The following ILRUN variants were observed in gnomAD, a reference collection of about 807,000 sequenced individuals.
The protein encoded by ILRUN is inflammation and lipid regulator with UBA-like and NBR1-like domains, also known as protein ILRUN.
In ILRUN, 3 loss-of-function variants were observed where a neutral mutation model predicts 33.8. The observed-to-expected ratio is 0.09, with a 90% confidence interval of 0.04 to 0.23. The LOEUF (loss-of-function observed/expected upper bound fraction) is 0.23. Ranked by LOEUF, ILRUN falls within the 10% of genes least tolerant of loss-of-function variation. ILRUN has a pLI of 1.00. For missense variants in ILRUN, 210 were observed against 375.1 expected (o/e 0.56, Z 3.64); for synonymous variants, 124 against 138.9 (o/e 0.89, Z 0.75).
intron 1 of ILRUN, among the ~76,000 whole-genome samples, chr6:34,670,858 A>G (rs534619772): frequency 5.3e-4 from 80 of 151,562 alleles, no homozygotes; most frequent in South Asian, 1.5e-3. Context: ...AAAAAAAAAA[A>G]AAAAGAAAAG....
intron 3 of ILRUN, among the ~76,000 whole-genome samples, chr6:34,637,105 T>G (rs1442016309): frequency 6.6e-6 from 1 of 152,198 alleles, no homozygotes; most frequent in Admixed American, 6.5e-5. Context: ...AGGATGCATA[T>G]TAAAATTACT....
chr6:34,627,968 A>G (rs565768882), intron 3 of ILRUN, among the ~76,000 whole-genome samples: 62 of 151,782 alleles, frequency 4.1e-4, no homozygotes, highest in Admixed American at 3.9e-3. Context: ...TCCCCGAAGT[A>G]CTGGGATTAC....
rs372175288 is a variant in ILRUN, at chr6:34,666,435, C to T, written c.159-11656G>A. The stretch of plus-strand genomic sequence containing the variant: ...AATTAGCCAGGCGTGGTGTTGCATG[C>T]CTGTAATCCCAGTTACTCGCGAGGC... On this transcript the variant is annotated intron_variant, in intron 1 of 4. Transcript: ENST00000374023. Among the ~76,000 whole-genome samples, 386 of 152,226 alleles carry T rather than the reference C, an allele frequency of 2.5e-3. 1 individual carries two copies. Among genetic ancestry groups the T allele is most frequent in the African/African-American group, 8.6e-3 (359 of 41,534 alleles).
intron 3 of ILRUN, among the ~76,000 whole-genome samples, chr6:34,625,336 G>A (rs1378428927): frequency 6.6e-6 from 1 of 152,054 alleles, no homozygotes; most frequent in African/African-American, 2.4e-5. Flanking sequence ...AGAGCTCTGG[G>A]GGCATTAATT....
intron 1 of ILRUN, among the ~76,000 whole-genome samples, chr6:34,691,804 AAAG>A (rs1371390771): frequency 6.6e-6 from 1 of 152,124 alleles, no homozygotes; most frequent in African/African-American, 2.4e-5. Flanking sequence ...TCAAAAAAAA[AAAG>A]AAGTATCTAC....
In ILRUN at chr6:34,655,387, T is replaced by C. The variant is rs575985110; in HGVS notation, c.159-608A>G. On this transcript the variant is annotated intron_variant, in intron 1 of 4. Transcript: ENST00000374023. ...GATATAACTGTTCATATTACTTTCT[T>C]AAATATCCTTCCAGAACTTTCTTAT... 5.3e-5 allele frequency among the ~76,000 whole-genome samples: 8 copies of C among 152,362 alleles called. No individual in the cohort carries two copies. In the East Asian group the frequency reaches 1.3e-3, roughly 26 times the overall value.
At chr6:34,637,864 C>CTGCTGCTGCTGCTGCTGTTGTTGTTGT (rs749114775) in intron 3 of ILRUN, among the ~76,000 whole-genome samples, 1 of 141,930 alleles carries the variant, frequency 7.0e-6, no homozygotes, top group African/African-American at 2.7e-5. Context: ...GCTGCTGCTG[C>CTGCTGCTGCTGCTGCTGTTGTTGTTGT]TGTTGTTGTT....
In ILRUN at chr6:34,633,039, T is replaced by A. The variant is rs571122359; in HGVS notation, c.511+13562A>T. 3.9e-5 allele frequency among the ~76,000 whole-genome samples: 6 copies of A among 152,288 alleles called. No homozygotes were observed. In the East Asian group the frequency reaches 1.2e-3, roughly 29 times the overall value. ...GAGGAAAAAAGATCCAACTACATGC[T>A]ATCTATAAGAAACTCCAAATAAAAT... On this transcript the variant is annotated intron_variant, in intron 3 of 4. Transcript: ENST00000374023.
intron 3 of ILRUN, among the ~76,000 whole-genome samples, chr6:34,610,568 T>C (rs747869747): frequency 4.6e-5 from 7 of 152,258 alleles, no homozygotes; most frequent in African/African-American, 1.4e-4. Context: ...GAAAATCTCA[T>C]TGAATCATTT....
intron 4 of ILRUN, among the ~76,000 whole-genome samples, chr6:34,597,766 T>A (rs1221514398): frequency 1.3e-5 from 2 of 152,140 alleles, no homozygotes; most frequent in Non-Finnish European, 2.9e-5. Context: ...CTTTTAAAGG[T>A]CTTCCTCCAA....
intron 1 of ILRUN, among the ~76,000 whole-genome samples, chr6:34,683,993 G>A (rs937381173): frequency 5.9e-5 from 9 of 151,958 alleles, no homozygotes; most frequent in African/African-American, 2.2e-4. Context: ...AGAGCCCAGG[G>A]AGGCATATGG....
intron 3 of ILRUN, among the ~76,000 whole-genome samples, chr6:34,613,367 C>T (rs891858264): frequency 6.6e-6 from 1 of 152,200 alleles, no homozygotes; most frequent in African/African-American, 2.4e-5. Context: ...AAAGACATCA[C>T]AGATTATGGT....
intron 3 of ILRUN, among the ~76,000 whole-genome samples, chr6:34,633,880 A>AGAGGGAGAGAGG (rs1762299099): frequency 1.5e-5 from 1 of 64,862 alleles, no homozygotes. Flanking sequence ...ATGGAGGGAG[A>AGAGGGAGAGAGG]GAGGGAGGGA....
Position 34,629,066 on chromosome 6 carries a change from T to C in ILRUN, c.511+17535A>G, listed in dbSNP as rs75056709. Among the ~76,000 whole-genome samples the C allele has an allele frequency of 4.5e-3, 678 of 152,296 alleles. 4 individuals carry two copies. The highest frequency in any genetic ancestry group is 8.2e-3 in the Admixed American group (125 of 15,294). On this transcript the variant is annotated intron_variant, in intron 3 of 4. Coordinates refer to ENST00000374023, the MANE Select transcript of ILRUN (RefSeq NM_024294.4). ...AGAGGTTGCAGTGACCTGAGATCAC[T>C]GCATACCAGCCTGGGCAACAGAGCA...
intron 3 of ILRUN, among the ~76,000 whole-genome samples, chr6:34,625,572 CT>C (rs1385916807): frequency 2.6e-5 from 4 of 152,136 alleles, no homozygotes; most frequent in Admixed American, 1.3e-4. Flanking sequence ...GGGTGCTAAT[CT>C]TCATCAAAAA....
At chr6:34,689,755 G>A (rs1189157656) in intron 1 of ILRUN, among the ~76,000 whole-genome samples, 6 of 151,440 alleles carry the variant, frequency 4.0e-5, no homozygotes, top group Non-Finnish European at 8.8e-5. Flanking sequence ...TCATTGATTT[G>A]TGGTTATATC....
rs1562003509 is a variant in ILRUN, at chr6:34,615,662, T to G, written c.512-8758A>C. Among the ~76,000 whole-genome samples, 4 of 152,152 alleles carry G rather than the reference T, an allele frequency of 2.6e-5. No individual in the cohort carries two copies. The South Asian group carries it at 6.2e-4, about 24-fold the overall frequency. ...ACCACTTTCTATGGAGAGAATTGAC[T>G]AGCAAAAGAGAGTGTTTTGATATCA... is the stretch of plus-strand genomic sequence containing the variant. On this transcript the variant is annotated intron_variant, in intron 3 of 4. Transcript: ENST00000374023.
At chr6:34,676,144 C>G (rs1268153469) in intron 1 of ILRUN, among the ~76,000 whole-genome samples, 3 of 152,040 alleles carry the variant, frequency 2.0e-5, no homozygotes, top group Non-Finnish European at 4.4e-5. Flanking sequence ...GCACAGGTAG[C>G]TCATCCCAGT....
chr6:34,629,811 T>G (rs1762208723), intron 3 of ILRUN, among the ~76,000 whole-genome samples: 1 of 152,208 alleles, frequency 6.6e-6, no homozygotes, highest in African/African-American at 2.4e-5. Context: ...ACGCCTTTTG[T>G]AGTTGTCCCA....
Sources: allele counts gnomAD v4.1 joint callset (sites outside exome capture counted in the v4.1 genomes callset), GRCh38; gene constraint gnomAD v4.1.1; transcripts MANE v1.5; gene names NCBI Gene and HGNC (gene_info 2026-07-23, HGNC 2026-07-21).